Variants in YTHDC2 observed in about 807,000 individuals in gnomAD.
YTHDC2 encodes YTH N6-methyladenosine RNA binding protein C2.
YTHDC2 carries 45 observed loss-of-function variants against 174.9 expected under a neutral mutation model. That is an observed-to-expected ratio of 0.26 (90% confidence interval 0.20 to 0.33). The LOEUF is 0.33. YTHDC2 is among the 10% of genes least tolerant of loss of function. The pLI is 1.00. For synonymous variants in YTHDC2, 657 were observed against 574.5 expected (o/e 1.14, Z -2.05); for missense variants, 1,650 against 1,723.7 (o/e 0.96, Z 0.76).
intron 26 of YTHDC2, among the ~76,000 whole-genome samples, chr5:113,585,039 C>G (rs909209303): frequency 2.0e-4 from 30 of 151,488 alleles, no homozygotes; most frequent in Admixed American, 5.9e-4. Context: ...TCTCAGCCTC[C>G]GAGTGGCAGG....
chr5:113,534,267 T>C lies in YTHDC2; in HGVS notation c.843-38T>C, dbSNP rs764435117. On this transcript the variant is annotated intron_variant, in intron 5 of 29. Transcript: ENST00000161863. ...ATTATATTTTAGTTACATGAAAAAC[T>C]TGCAATTGTGCACTTTGTTTTGCTT... The C allele has an allele frequency of 2.6e-6, 4 of 1,523,394 alleles. No homozygotes were observed. The Admixed American group carries it at 5.1e-5, about 19-fold the overall frequency. The allele number at this position is 1,523,394 out of a possible 1,614,324, so 94.4% of individuals were successfully genotyped here.
intron 4 of YTHDC2, among the ~76,000 whole-genome samples, chr5:113,529,990 TCA>T (rs1396141635): frequency 1.3e-5 from 2 of 152,034 alleles, no homozygotes; most frequent in African/African-American, 2.4e-5. Flanking sequence ...CAGTGGCTAT[TCA>T]CAGAGTTGAT....
At position 113,584,356 on chromosome 5, in the gene YTHDC2, T is replaced by C. The variant is rs976114394; in HGVS notation, c.3702T>C (p.Asp1234=). ...PALHPPQKYK[D]RGILHPKRGT... is the part of the protein sequence containing the mutation. ...TACACCCACCTCAGAAGTACAAAGA[T>C]AGAGGAATTTTACATCCTAAACGAG... Residue 1234 remains aspartate (D), a synonymous_variant, in exon 26 of 30, where the codon GAT becomes GAC. Transcript: ENST00000161863. 31 of 1,613,860 alleles carry C rather than the reference T, an allele frequency of 1.9e-5. No homozygotes were observed. Among genetic ancestry groups the C allele is most frequent in the Non-Finnish European group, 2.6e-5 (31 of 1,179,846 alleles).
chr5:113,563,628 T>G, intron 19 of YTHDC2, 136 bp downstream of exon 19: 1 of 1,095,408 alleles, frequency 9.1e-7, no homozygotes, highest in Non-Finnish European at 1.3e-6. Flanking sequence ...AAACTAATTT[T>G]GTACTTTTAA....
At chr5:113,588,289 G>A (rs79242542) in intron 26 of YTHDC2, among the ~76,000 whole-genome samples, 5,869 of 152,120 alleles carry the variant, frequency 0.039, 171 homozygotes, top group Middle Eastern at 0.1. Flanking sequence ...TAGGGGGAAA[G>A]CATTTTTTGT....
At position 113,589,156 on chromosome 5, in the gene YTHDC2, G is replaced by A. The variant is rs1363275603; in HGVS notation, c.3826-1885G>A. On this transcript the variant is annotated intron_variant, in intron 26 of 29. Coordinates refer to ENST00000161863, the MANE Select transcript of YTHDC2 (RefSeq NM_022828.5). ...TTTGTATTATTTACTTCTGCCTGAA[G>A]AACCTCCTTTCTGGGACTCTGGATA... is the stretch of plus-strand genomic sequence containing the variant. 2.0e-5 allele frequency among the ~76,000 whole-genome samples: 3 copies of A among 151,422 alleles called. No individual in the cohort carries two copies. The East Asian group carries it at 5.8e-4, about 29-fold the overall frequency.
At chr5:113,547,022 C>G (rs1775927096) in intron 10 of YTHDC2, among the ~76,000 whole-genome samples, 1 of 152,148 alleles carries the variant, frequency 6.6e-6, no homozygotes, top group South Asian at 2.1e-4. Context: ...GACCTAGTTT[C>G]CAGACTTGCA....
chr5:113,584,462 C>A lies in YTHDC2; in HGVS notation c.3808C>A (p.Pro1270Thr). Residue 1270 changes from proline to threonine, a missense_variant, in exon 26 of 30, where the codon CCT (proline) becomes ACT (threonine). Transcript: ENST00000161863. The stretch of plus-strand genomic sequence containing the variant: ...CCCAAGTCCTTGTGCTAGTCCTTCT[C>A]CTCCATCCTCAGGAAAGGTAAGAGT... ...SYPSPCASPS[P>T]PSSGKGSKSP... 1 of 1,611,444 alleles carries A rather than the reference C, an allele frequency of 6.2e-7. No individual in the cohort carries two copies. Among genetic ancestry groups the A allele is most frequent in the Non-Finnish European group, 8.5e-7 (1 of 1,178,644 alleles).
In YTHDC2 at chr5:113,539,130, A is replaced by G; in HGVS notation, c.1159A>G (p.Thr387Ala). Residue 387 changes from threonine (T) to alanine (A), a missense_variant, in exon 8 of 30, where the codon ACT becomes GCT. Thr to Ala is a moderately conservative substitution (Grantham distance 58, BLOSUM62 0). Coordinates refer to ENST00000161863, the MANE Select transcript of YTHDC2 (RefSeq NM_022828.5). The stretch of plus-strand genomic sequence containing the variant: ...GTTTCTGGAAGATATTTTAAGAACA[A>G]CTGGATATACAAACAAAGAAATGTT... ...EMFLEDILRT[T>A]GYTNKEMLKY... 1 of 1,442,666 alleles carries G rather than the reference A, an allele frequency of 6.9e-7. No homozygotes were observed. The highest frequency in any genetic ancestry group is 9.3e-7 in the Non-Finnish European group (1 of 1,073,700). The allele number at this position is 1,442,666 out of a possible 1,614,324, so 89.4% of individuals were successfully genotyped here. A position where few individuals can be genotyped will look rare whatever the true frequency, so the allele number is the denominator to read the frequency against.
At chr5:113,584,242 C>A in intron 25 of YTHDC2, 60 bp from the exon 26 acceptor site, 21 of 1,431,028 alleles carry the variant, frequency 1.5e-5, no homozygotes, top group Non-Finnish European at 1.9e-5. Context: ...TTATACATAA[C>A]TGATCTTTGT....
At chr5:113,563,091 A>G (rs1333236140) in intron 18 of YTHDC2, among the ~76,000 whole-genome samples, 3 of 151,416 alleles carry the variant, frequency 2.0e-5, no homozygotes, top group Admixed American at 2.0e-4. Flanking sequence ...TTGGACAGTG[A>G]CTATGAATGT....
Position 113,514,569 on chromosome 5 carries a change from C to G in YTHDC2, c.187+487C>G, listed in dbSNP as rs530643379. On this transcript the variant is annotated intron_variant, in intron 1 of 29. Transcript: ENST00000161863. ...GGCACACGAAGCATCTTCCACACCT[C>G]TTGAGGTTAGATAGCCACTTGTCTT... Among the ~76,000 whole-genome samples, 32 of 152,288 alleles carry G rather than the reference C, an allele frequency of 2.1e-4. No individual in the cohort carries two copies. The South Asian group carries it at 6.4e-3, about 31-fold the overall frequency.
chr5:113,559,972 C>T (rs1580583215), intron 17 of YTHDC2, among the ~76,000 whole-genome samples: 1 of 152,184 alleles, frequency 6.6e-6, no homozygotes, highest in Non-Finnish European at 1.5e-5. Context: ...GGCCAAAGAA[C>T]AGTAACTTCT....
intron 26 of YTHDC2, among the ~76,000 whole-genome samples, chr5:113,589,994 G>A (rs995677609): frequency 1.3e-5 from 2 of 152,052 alleles, no homozygotes; most frequent in Non-Finnish European, 2.9e-5. Flanking sequence ...TATTCCATAT[G>A]CACATGAGAA....
intron 20 of YTHDC2, among the ~76,000 whole-genome samples, chr5:113,565,536 A>G (rs1018133965): frequency 6.6e-6 from 1 of 152,194 alleles, no homozygotes; most frequent in African/African-American, 2.4e-5. Flanking sequence ...TTTGGAGGAC[A>G]AGAGTGGCAC....
At chr5:113,591,716 A>G (rs905705701) in intron 27 of YTHDC2, among the ~76,000 whole-genome samples, 11 of 152,120 alleles carry the variant, frequency 7.2e-5, no homozygotes, top group African/African-American at 2.2e-4. Flanking sequence ...GCTTGTATCC[A>G]TTTATCATGG....
chr5:113,537,259 C>G (rs147850797), intron 7 of YTHDC2, among the ~76,000 whole-genome samples: 1 of 151,728 alleles, frequency 6.6e-6, no homozygotes, highest in Non-Finnish European at 1.5e-5. Flanking sequence ...GAATTTTTAC[C>G]GGTGTCGTTT....
At chr5:113,521,007 T>C (rs907664572) in intron 2 of YTHDC2, among the ~76,000 whole-genome samples, 2 of 152,254 alleles carry the variant, frequency 1.3e-5, no homozygotes, top group Non-Finnish European at 2.9e-5. Context: ...AATGTGAGCA[T>C]GCAGTATTTG....
chr5:113,581,176 CA>C, intron 24 of YTHDC2: 1 of 358,886 alleles, frequency 2.8e-6, no homozygotes, highest in Non-Finnish European at 4.9e-6. Context: ...CACTCTGCCA[CA>C]ACTATTGTTT....
Sources: allele counts gnomAD v4.1 joint callset (sites outside exome capture counted in the v4.1 genomes callset), GRCh38; gene constraint gnomAD v4.1.1; transcripts MANE v1.5; gene names NCBI Gene and HGNC (gene_info 2026-07-23, HGNC 2026-07-21).